The following ARHGAP25 variants were observed in gnomAD, a reference collection of about 807,000 sequenced individuals.
The protein encoded by ARHGAP25 is Rho GTPase activating protein 25, also known as rho GTPase-activating protein 25.
A neutral mutation model predicts 71.0 loss-of-function variants in ARHGAP25; 34 were observed. That is an observed-to-expected ratio of 0.48 (90% CI 0.36 to 0.64). The LOEUF (loss-of-function observed/expected upper bound fraction) is 0.64. Among genes scored for constraint, ARHGAP25 ranks in the 30% least tolerant of loss-of-function variants. The probability of loss-of-function intolerance (pLI) is 0.00; values close to 1 mark genes in which losing one functional copy is unlikely to be tolerated. For missense variants in ARHGAP25, 706 were observed against 805.1 expected, an observed-to-expected ratio of 0.88 and a Z score of 1.49; for synonymous variants, 282 against 296.5, an observed-to-expected ratio of 0.95 and a Z score of 0.50.
chr2:68,770,721 A>T (rs1218148746), intron 1 of ARHGAP25, among the ~76,000 whole-genome samples: 1 of 152,194 alleles, frequency 6.6e-6, no homozygotes, highest in Non-Finnish European at 1.5e-5. Context: ...CAGCACCAAC[A>T]GTCCAGTCAT....
upstream of ARHGAP25, among the ~76,000 whole-genome samples, chr2:68,731,243 A>G (rs999441426): frequency 1.3e-5 from 2 of 151,698 alleles, no homozygotes; most frequent in Non-Finnish European, 2.9e-5. Context: ...GTTCCTCATT[A>G]CCAATCCTCA....
At chr2:68,780,568 G>A (rs931474168) in intron 2 of ARHGAP25, among the ~76,000 whole-genome samples, 10 of 146,408 alleles carry the variant, frequency 6.8e-5, no homozygotes, top group Admixed American at 3.4e-4. Flanking sequence ...CCACTTTCTA[G>A]ACCGATTTTC....
At chr2:68,727,183 G>A (rs562679438) in intron 2 of ARHGAP25, among the ~76,000 whole-genome samples, 1 of 152,068 alleles carries the variant, frequency 6.6e-6, no homozygotes. Flanking sequence ...TCTGCAACAC[G>A]GGGGCCCACG....
intron 1 of ARHGAP25, among the ~76,000 whole-genome samples, chr2:68,770,536 A>T (rs1677423175): frequency 6.6e-6 from 1 of 152,206 alleles, no homozygotes; most frequent in Admixed American, 6.5e-5. Flanking sequence ...AGGAAGTGAT[A>T]ACGTTTCTCA....
chr2:68,739,432 T>G (rs1438872245), intron 1 of ARHGAP25, among the ~76,000 whole-genome samples: 4 of 152,230 alleles, frequency 2.6e-5, no homozygotes, highest in African/African-American at 9.6e-5. Flanking sequence ...GGGAGAACTC[T>G]GTGGAGACTC....
chr2:68,751,780 T>C (rs945261705), intron 1 of ARHGAP25, among the ~76,000 whole-genome samples: 10 of 152,246 alleles, frequency 6.6e-5, no homozygotes, highest in Admixed American at 5.9e-4. Context: ...CTGTAATAAT[T>C]AGTCTTCCTG....
At chr2:68,792,572 A>C (rs1365330416) in intron 4 of ARHGAP25, among the ~76,000 whole-genome samples, 1 of 152,214 alleles carries the variant, frequency 6.6e-6, no homozygotes, top group East Asian at 1.9e-4. Context: ...GTTGCTGCAA[A>C]AGACATGATT....
At chr2:68,744,018 A>G (rs540854615) in intron 1 of ARHGAP25, among the ~76,000 whole-genome samples, 1 of 151,816 alleles carries the variant, frequency 6.6e-6, no homozygotes, top group East Asian at 1.9e-4. Context: ...TCTTTTTAGT[A>G]CTCATGGTTA....
At chr2:68,756,282 C>G (rs1191987078) in intron 1 of ARHGAP25, among the ~76,000 whole-genome samples, 2 of 152,222 alleles carry the variant, frequency 1.3e-5, no homozygotes, top group Non-Finnish European at 2.9e-5. Context: ...AAAAATGAAC[C>G]CTGTCCTACA....
At chr2:68,784,160 GCTCT>G (rs140044777) in intron 3 of ARHGAP25, among the ~76,000 whole-genome samples, 1 of 149,356 alleles carries the variant, frequency 6.7e-6, no homozygotes, top group East Asian at 2.0e-4. Flanking sequence ...TCTCTCTTTC[GCTCT>G]CTCTCTCTCT....
chr2:68,793,606 G>T (rs1003543762), intron 4 of ARHGAP25, among the ~76,000 whole-genome samples: 1 of 151,964 alleles, frequency 6.6e-6, no homozygotes, highest in Non-Finnish European at 1.5e-5. Context: ...TTTATTGCTG[G>T]GTTCTCTATT....
At chr2:68,750,414 C>T (rs1676092489) in intron 1 of ARHGAP25, among the ~76,000 whole-genome samples, 1 of 151,452 alleles carries the variant, frequency 6.6e-6, no homozygotes, top group African/African-American at 2.4e-5. Context: ...CCTCTGCCTC[C>T]CTAGTTCAAG....
At chr2:68,764,002 C>T (rs1676979754) in intron 1 of ARHGAP25, among the ~76,000 whole-genome samples, 1 of 151,958 alleles carries the variant, frequency 6.6e-6, no homozygotes, top group African/African-American at 2.4e-5. Flanking sequence ...TTTTTATTAC[C>T]CCAAAAAGTT....
At chr2:68,711,466 A>G (rs1342867848) in intron 2 of ARHGAP25, among the ~76,000 whole-genome samples, 3 of 152,126 alleles carry the variant, frequency 2.0e-5, no homozygotes, top group Non-Finnish European at 4.4e-5. Flanking sequence ...AGTATTCTTG[A>G]AAGAATAGCT....
chr2:68,712,861 C>G (rs111678809), intron 2 of ARHGAP25, among the ~76,000 whole-genome samples: 35,688 of 151,862 alleles, frequency 0.24, 4,438 homozygotes, highest in East Asian at 0.37. Flanking sequence ...CTGTTCCATT[C>G]GTCTATATAT....
intron 5 of ARHGAP25, among the ~76,000 whole-genome samples, chr2:68,812,253 CTCT>C (rs71915458): frequency 0.56 from 85,498 of 151,648 alleles, 24,598 homozygotes; most frequent in East Asian, 0.87. Context: ...TCACGACACA[CTCT>C]TCTTCTTGTG....
At chr2:68,770,467 A>G (rs1287197385) in intron 1 of ARHGAP25, among the ~76,000 whole-genome samples, 3 of 152,228 alleles carry the variant, frequency 2.0e-5, no homozygotes, top group Non-Finnish European at 4.4e-5. Context: ...AGTGGAATCT[A>G]GACTGAGTCA....
Position 68,808,466 on chromosome 2 carries a change from A to G in ARHGAP25, c.674+986A>G, listed in dbSNP as rs557859345. On this transcript the variant is annotated intron_variant, in intron 5 of 10. Transcript: ENST00000409202. Reference sequence around the variant, plus strand: ...TTCCTCCAAAGCTTCTCTGAGGTCTATATGTTTCTCTCCATGCTTATGGCC... The same window carrying G: ...TTCCTCCAAAGCTTCTCTGAGGTCTGTATGTTTCTCTCCATGCTTATGGCC... 1.1e-4 allele frequency among the ~76,000 whole-genome samples: 17 copies of G among 152,294 alleles called. No individual in the cohort carries two copies. The South Asian group carries it at 3.1e-3, about 28-fold the overall frequency.
At chr2:68,821,092 CTTT>C (rs34119311) in intron 9 of ARHGAP25, among the ~76,000 whole-genome samples, 12 of 99,432 alleles carry the variant, frequency 1.2e-4, no homozygotes, top group African/African-American at 1.6e-4. Context: ...CTTTTTCTTT[CTTT>C]TTTTTTTTTT....
Sources: gnomAD v4.1 joint callset for allele counts (sites outside exome capture counted in the v4.1 genomes callset) on GRCh38, gnomAD v4.1.1 for gene constraint, MANE v1.5 for transcripts, NCBI Gene and HGNC (gene_info 2026-07-23, HGNC 2026-07-21) for gene names.